The following LMX1B variants were observed in gnomAD, a reference collection of about 807,000 sequenced individuals.
LMX1B encodes LIM homeobox transcription factor 1-beta.
In LMX1B, 12 loss-of-function variants were observed where a neutral mutation model predicts 51.4. The ratio of observed to expected loss-of-function variants is 0.23; its 90% CI spans 0.15 to 0.38. The LOEUF is 0.38. Among genes scored for constraint, LMX1B ranks in the 10% least tolerant of loss-of-function variants. The probability of loss-of-function intolerance (pLI) is 1.00; values close to 1 mark genes in which losing one functional copy is unlikely to be tolerated. For missense variants in LMX1B, 445 were observed against 571.1 expected, an observed-to-expected ratio of 0.78 and a Z score of 2.25; for synonymous variants, 237 against 235.4, an observed-to-expected ratio of 1.01 and a Z score of -0.06.
intron 2 of LMX1B, among the ~76,000 whole-genome samples, chr9:126,634,098 A>G (rs1018516094): frequency 1.3e-5 from 2 of 152,206 alleles, no homozygotes; most frequent in Non-Finnish European, 2.9e-5. Context: ...TCCAACCGGA[A>G]GGACCCCTGC....
At chr9:126,684,329 A>G (rs145511985) in intron 2 of LMX1B, among the ~76,000 whole-genome samples, 45 of 152,252 alleles carry the variant, frequency 3.0e-4, no homozygotes, top group African/African-American at 1.1e-3. Flanking sequence ...TTCAGACAAA[A>G]AAGGGAGGTG....
Position 126,677,722 on chromosome 9 carries a change from G to T in LMX1B, c.327-13114G>T, listed in dbSNP as rs1484989088. The stretch of plus-strand genomic sequence containing the variant: ...TTCCCGTGAGTGTAACGTCTAGTAG[G>T]AGCGTCTGCCAGCTTCATTCACAGC... On this transcript the variant is annotated intron_variant, in intron 2 of 7. Transcript: ENST00000373474. The surrounding 1 kb of genome is among the most constrained non-coding windows in gnomAD (Gnocchi z 5.0). Among the ~76,000 whole-genome samples the T allele has an allele frequency of 2.0e-5, 3 of 152,176 alleles. No homozygotes were observed. The highest frequency in any genetic ancestry group is 4.4e-5 in the Non-Finnish European group (3 of 68,036).
At chr9:126,642,707 G>A (rs1474681557) in intron 2 of LMX1B, among the ~76,000 whole-genome samples, 1 of 152,240 alleles carries the variant, frequency 6.6e-6, no homozygotes, top group African/African-American at 2.4e-5. Flanking sequence ...TGAATGGAGT[G>A]AAACAAGGGG....
intron 2 of LMX1B, among the ~76,000 whole-genome samples, chr9:126,621,685 G>A (rs1835415969): frequency 1.2e-5 from 1 of 82,894 alleles, no homozygotes; most frequent in Non-Finnish European, 2.3e-5. Context: ...TTTTTTTGCA[G>A]TAAATGTTTA....
chr9:126,647,993 G>A (rs1019458283), intron 2 of LMX1B, among the ~76,000 whole-genome samples: 1 of 152,216 alleles, frequency 6.6e-6, no homozygotes, highest in African/African-American at 2.4e-5. Context: ...TCCTGACCCT[G>A]GCAGCTCCCT....
chr9:126,653,973 C>G (rs1398713446), intron 2 of LMX1B, among the ~76,000 whole-genome samples: 1 of 152,164 alleles, frequency 6.6e-6, no homozygotes, highest in Admixed American at 6.5e-5. Flanking sequence ...TCCATTGGAC[C>G]TGGACTCCCA....
At chr9:126,639,432 C>A (rs935374540) in intron 2 of LMX1B, among the ~76,000 whole-genome samples, 1 of 152,242 alleles carries the variant, frequency 6.6e-6, no homozygotes, top group South Asian at 2.1e-4. Context: ...CCTCTACCCG[C>A]CTGGAGGGTC....
At chr9:126,675,453 G>T (rs929889048) in intron 2 of LMX1B, among the ~76,000 whole-genome samples, 4 of 152,234 alleles carry the variant, frequency 2.6e-5, no homozygotes, top group Non-Finnish European at 5.9e-5. Flanking sequence ...TTGGCCGGGT[G>T]CGGTGGCTCA....
chr9:126,644,432 T>C (rs907941836), intron 2 of LMX1B, among the ~76,000 whole-genome samples: 1 of 152,140 alleles, frequency 6.6e-6, no homozygotes, highest in Non-Finnish European at 1.5e-5. Context: ...TCTCCCACAC[T>C]ATTCTTCTCC....
intron 2 of LMX1B, among the ~76,000 whole-genome samples, chr9:126,669,142 T>C (rs553904337): frequency 6.6e-6 from 1 of 152,250 alleles, no homozygotes; most frequent in East Asian, 1.9e-4. Flanking sequence ...AGATTGTAGC[T>C]GGCATGGGCA....
intron 2 of LMX1B, among the ~76,000 whole-genome samples, chr9:126,621,650 CTCT>C (rs1564145892): frequency 1.5e-5 from 1 of 65,472 alleles, no homozygotes; most frequent in African/African-American, 4.1e-5. Context: ...CTCTCTCTCT[CTCT>C]TCTTTTTTTT....
At chr9:126,693,347 G>T in intron 4 of LMX1B, 24 bp downstream of exon 4, 2 of 1,579,990 alleles carry the variant, frequency 1.3e-6, no homozygotes, top group Non-Finnish European at 1.7e-6. Flanking sequence ...GGGGGGCGGG[G>T]CTCAGGCTGA....
intron 2 of LMX1B, among the ~76,000 whole-genome samples, chr9:126,679,152 T>C (rs1836625536): frequency 6.6e-6 from 1 of 152,208 alleles, no homozygotes; most frequent in Non-Finnish European, 1.5e-5. Flanking sequence ...AGCACAGAGC[T>C]TAGTCATGGT....
rs116169579 is a variant in LMX1B at position 126,684,713 on chromosome 9, C to A, written c.327-6123C>A. Among the ~76,000 whole-genome samples, 1,171 of 152,230 alleles carry A rather than the reference C, an allele frequency of 7.7e-3. 17 individuals carry two copies. Among genetic ancestry groups the A allele is most frequent in the African/African-American group, 0.027 (1,125 of 41,504 alleles). ...ATGTCCAGGCCTGGTCCAATCACTT[C>A]CAGTCACAAGAGTCACTTAGTACAA... On this transcript the variant is annotated intron_variant, in intron 2 of 7. Coordinates refer to ENST00000373474, the MANE Select transcript of LMX1B (RefSeq NM_001174147.2).
In LMX1B at chr9:126,671,842, C is replaced by G. The variant is rs1004646527; in HGVS notation, c.327-18994C>G. ...GCCCAGGCCCCCAGCGGCCCAGAGG[C>G]CACTTGGCCAGGCCTCCACTCCCCT... On this transcript the variant is annotated intron_variant, in intron 2 of 7. Transcript: ENST00000373474. This position sits in a 1 kb window ranked among gnomAD's most constrained non-coding sequence, Gnocchi z 4.4. Among the ~76,000 whole-genome samples, 1 of 152,228 alleles carries G rather than the reference C, an allele frequency of 6.6e-6. No homozygotes were observed. Among genetic ancestry groups the G allele is most frequent in the Non-Finnish European group, 1.5e-5 (1 of 68,038 alleles).
intron 2 of LMX1B, among the ~76,000 whole-genome samples, chr9:126,647,075 G>A (rs1167444352): frequency 6.6e-6 from 1 of 152,136 alleles, no homozygotes; most frequent in African/African-American, 2.4e-5. Flanking sequence ...GCAGTATGGT[G>A]CACACCTGTT....
chr9:126,630,486 C>T (rs1489931024), intron 2 of LMX1B, among the ~76,000 whole-genome samples: 4 of 152,104 alleles, frequency 2.6e-5, no homozygotes, highest in South Asian at 2.1e-4. Context: ...ACAGGCATGG[C>T]GTCATCCCTT....
chr9:126,648,328 G>A (rs551729683), intron 2 of LMX1B, among the ~76,000 whole-genome samples: 180 of 152,280 alleles, frequency 1.2e-3, no homozygotes, highest in African/African-American at 3.9e-3. Flanking sequence ...AGCCTCCCTC[G>A]AAGGCAGGTC....
chr9:126,631,839 G>A (rs1374609986), intron 2 of LMX1B, among the ~76,000 whole-genome samples: 1 of 152,162 alleles, frequency 6.6e-6, no homozygotes, highest in Admixed American at 6.5e-5. Flanking sequence ...CTCCGGGTAA[G>A]GATGATTCAG....
Sources: gnomAD v4.1 joint callset for allele counts (sites outside exome capture counted in the v4.1 genomes callset) on GRCh38, gnomAD v4.1.1 for gene constraint, Gnocchi (gnomAD v3.1) non-coding constraint, MANE v1.5 for transcripts, NCBI Gene and HGNC (gene_info 2026-07-23, HGNC 2026-07-21) for gene names.